Variants in PLA2G4C observed in about 807,000 individuals in gnomAD.
PLA2G4C encodes cytosolic phospholipase A2 gamma.
A neutral mutation model predicts 73.8 loss-of-function variants in PLA2G4C; 64 were observed. The ratio of observed to expected loss-of-function variants is 0.87; its 90% CI spans 0.71 to 1.07. PLA2G4C has a LOEUF of 1.07. PLA2G4C is among the 50% of genes least tolerant of loss of function. The pLI is 0.00. For missense variants in PLA2G4C, 622 were observed against 665.4 expected, an observed-to-expected ratio of 0.93 and a Z score of 0.72; for synonymous variants, 254 against 252.1, an observed-to-expected ratio of 1.01 and a Z score of -0.07.
rs551311338 is a variant in PLA2G4C at position 48,097,887 on chromosome 19, G to A, written c.568+252C>T. ...TCCCACCTCAGCCTCCCAAACCACT[G>A]GGATTACAAGCGTGAGCCACCATGT... is the stretch of plus-strand genomic sequence containing the variant. On this transcript the variant is annotated intron_variant, in intron 6 of 16. Coordinates refer to ENST00000599921, the MANE Select transcript of PLA2G4C (RefSeq NM_003706.3). The A allele has an allele frequency of 3.3e-4, 121 of 370,786 alleles. 1 individual carries two copies. In the South Asian group the frequency reaches 0.011, roughly 33 times the overall value. The allele number at this position is 370,786 out of a possible 1,614,324, so 23.0% of individuals were successfully genotyped here.
At chr19:48,070,431 C>T (rs1055290777) in intron 12 of PLA2G4C, among the ~76,000 whole-genome samples, 9 of 152,126 alleles carry the variant, frequency 5.9e-5, no homozygotes, top group Non-Finnish European at 1.2e-4. Flanking sequence ...TCAAATTCTG[C>T]CTCATGCATG....
chr19:48,086,600 G>C (rs2030994574), intron 9 of PLA2G4C, among the ~76,000 whole-genome samples: 1 of 152,152 alleles, frequency 6.6e-6, no homozygotes, highest in Admixed American at 6.5e-5. Flanking sequence ...CATTGCCTGA[G>C]AAACAAGAGT....
chr19:48,100,060 A>G (rs2031818844), intron 4 of PLA2G4C, 200 bp from the exon 5 acceptor site: 1 of 487,490 alleles, frequency 2.1e-6, no homozygotes, highest in Non-Finnish European at 3.6e-6. Context: ...ATCATCTGGG[A>G]CAATCCTTCC....
Position 48,099,814 on chromosome 19 carries a change from C to T in PLA2G4C, c.304G>A (p.Glu102Lys), listed in dbSNP as rs1471894560. Reference protein sequence around the residue: ...YTNDGDMEALEADLKHRFTRQ... With the variant: ...YTNDGDMEALKADLKHRFTRQ... ...GTAAATCGATGTTTCAGGTCAGCCT[C>T]GAGAGCTTCCATGTCACCATCATTG... The change falls in exon 5 of 17, where the codon GAG becomes AAG. Residue 102 changes from glutamate to lysine, a missense_variant. Glu to Lys is a moderately conservative substitution (Grantham distance 56). Coordinates refer to ENST00000599921, the MANE Select transcript of PLA2G4C (RefSeq NM_003706.3). 16 of 1,613,792 alleles carry T rather than the reference C, an allele frequency of 9.9e-6. No homozygotes were observed. Among genetic ancestry groups the T allele is most frequent in the South Asian group, 4.4e-5 (4 of 91,076 alleles).
rs3218742 is a variant in PLA2G4C at position 48,074,825 on chromosome 19, A to C, written c.948T>G (p.Asn316Lys). ...EHTWLTEMLE[N>K]WTRTSLEKQE... ...GCTTTTCCAGGGAGGTCCTGGTCCA[A>C]TTCTCGAGCATCTCAGTCAGCCAGG... The change falls in exon 12 of 17, where the codon AAT becomes AAG. Residue 316 changes from asparagine to lysine, a missense_variant. Transcript: ENST00000599921. 31 of 1,612,912 alleles carry C rather than the reference A, an allele frequency of 1.9e-5. No homozygotes were observed. Among genetic ancestry groups the C allele is most frequent in the African/African-American group, 1.7e-4 (13 of 74,936 alleles).
rs143261466 is a variant in PLA2G4C, at chr19:48,100,098, G to A, written c.258-238C>T. Reference sequence around the variant, plus strand: ...TTCACAGGCAGGAAAATGAGAGCACGATGGGAGAAAGGCCTCATCAGAGTC... The same window carrying A: ...TTCACAGGCAGGAAAATGAGAGCACAATGGGAGAAAGGCCTCATCAGAGTC... On this transcript the variant is annotated intron_variant, in intron 4 of 16. Transcript: ENST00000599921. 1.8e-3 allele frequency: 811 copies of A among 443,524 alleles called. 7 individuals carry two copies. Among genetic ancestry groups the A allele is most frequent in the African/African-American group, 0.014 (701 of 49,792 alleles). 27.5% of individuals were successfully genotyped at this position (443,524 alleles called of 1,614,324 possible). A position where few individuals can be genotyped will look rare whatever the true frequency, so the allele number is the denominator to read the frequency against.
At chr19:48,058,889 T>C (rs920978917) in intron 14 of PLA2G4C, among the ~76,000 whole-genome samples, 2 of 151,738 alleles carry the variant, frequency 1.3e-5, no homozygotes, top group Admixed American at 6.6e-5. Context: ...AGCCCCATCA[T>C]GGAAAGAATT....
intron 14 of PLA2G4C, among the ~76,000 whole-genome samples, chr19:48,058,241 G>A (rs1968032619): frequency 6.6e-6 from 1 of 151,774 alleles, no homozygotes; most frequent in African/African-American, 2.4e-5. Flanking sequence ...GGAGGTTGTG[G>A]CAAGCCGATA....
chr19:48,086,331 C>T (rs974121310), intron 9 of PLA2G4C, among the ~76,000 whole-genome samples: 3 of 152,096 alleles, frequency 2.0e-5, no homozygotes, highest in Non-Finnish European at 4.4e-5. Context: ...GTGGGGCTTA[C>T]TGCCACCTGC....
At chr19:48,051,967 A>C (rs547378496) in intron 16 of PLA2G4C, 1 of 148,166 alleles carries the variant, frequency 6.7e-6, no homozygotes, top group Non-Finnish European at 1.5e-5. Flanking sequence ...GCAGCCTCAA[A>C]CTCCTGGGCT....
chr19:48,091,617 G>A (rs1356595007), intron 7 of PLA2G4C, among the ~76,000 whole-genome samples: 3 of 152,040 alleles, frequency 2.0e-5, no homozygotes, highest in Non-Finnish European at 4.4e-5. Flanking sequence ...AGCCAGGCAC[G>A]GTGGCTCACG....
chr19:48,070,507 T>C (rs1028222210), intron 12 of PLA2G4C, among the ~76,000 whole-genome samples: 6 of 152,194 alleles, frequency 3.9e-5, no homozygotes, highest in Admixed American at 6.5e-5. Flanking sequence ...TACCCATCAA[T>C]GGTAGACTGG....
intron 16 of PLA2G4C, among the ~76,000 whole-genome samples, chr19:48,048,870 G>A (rs1325304785): frequency 6.6e-6 from 1 of 152,220 alleles, no homozygotes; most frequent in Non-Finnish European, 1.5e-5. Context: ...GTGGGGCCCA[G>A]AGGGAGATGT....
At chr19:48,056,218 C>T (rs1735693754) in intron 14 of PLA2G4C, among the ~76,000 whole-genome samples, 2 of 152,114 alleles carry the variant, frequency 1.3e-5, no homozygotes, top group South Asian at 4.1e-4. Context: ...CTGTTAAGTC[C>T]TGCAAGCTGA....
intron 10 of PLA2G4C, among the ~76,000 whole-genome samples, chr19:48,078,850 A>C (rs550734466): frequency 6.6e-6 from 1 of 150,714 alleles, no homozygotes; most frequent in African/African-American, 2.4e-5. Context: ...CATTTTTCAC[A>C]GAACAAAAAA....
intron 7 of PLA2G4C, 166 bp from the exon 8 acceptor site, chr19:48,090,583 C>A (rs891484038): frequency 6.3e-6 from 4 of 630,324 alleles, no homozygotes; most frequent in African/African-American, 1.8e-5. Context: ...AGTGGGCACC[C>A]GGCACTCTTC....
chr19:48,107,946 AC>A (rs2032313960), intron 1 of PLA2G4C, among the ~76,000 whole-genome samples: 1 of 152,066 alleles, frequency 6.6e-6, no homozygotes, highest in Admixed American at 6.6e-5. Flanking sequence ...TGGACACGTG[AC>A]TCACATGACC....
chr19:48,091,529 G>A (rs768838510), intron 7 of PLA2G4C, among the ~76,000 whole-genome samples: 42 of 104,102 alleles, frequency 4.0e-4, no homozygotes, highest in African/African-American at 1.2e-3. Flanking sequence ...ACATGTCCTC[G>A]GGGCACTGTG....
At chr19:48,054,143 C>T (rs1967836547) in intron 15 of PLA2G4C, among the ~76,000 whole-genome samples, 1 of 152,110 alleles carries the variant, frequency 6.6e-6, no homozygotes, top group Non-Finnish European at 1.5e-5. Context: ...TTCGGCCTGG[C>T]CTGGTGGTGA....
Sources: allele counts gnomAD v4.1 joint callset (sites outside exome capture counted in the v4.1 genomes callset), GRCh38; gene constraint gnomAD v4.1.1; transcripts MANE v1.5; gene names NCBI Gene and HGNC (gene_info 2026-07-23, HGNC 2026-07-21).